The following SORCS3 variants were observed in gnomAD, a reference collection of about 807,000 sequenced individuals.
The protein encoded by SORCS3 is VPS10 domain-containing receptor SorCS3.
Under a neutral mutation model 146.3 loss-of-function variants are expected in SORCS3, and 57 were observed. The ratio of observed to expected loss-of-function variants is 0.39; its 90% confidence interval spans 0.31 to 0.49. SORCS3 has a LOEUF of 0.49. Ranked by LOEUF, SORCS3 falls within the 20% of genes least tolerant of loss-of-function variation. The pLI is 0.92. For synonymous variants in SORCS3, 653 were observed against 618.5 expected (o/e 1.06, Z -0.83); for missense variants, 1,341 against 1,575.5 (o/e 0.85, Z 2.52).
At chr10:104,792,152 C>A (rs1042582181) in intron 1 of SORCS3, among the ~76,000 whole-genome samples, 2 of 152,160 alleles carry the variant, frequency 1.3e-5, no homozygotes, top group African/African-American at 4.8e-5. Context: ...CAGTGTCTAC[C>A]TTCTTTGCAA....
chr10:104,983,614 G>T (rs11192262), intron 4 of SORCS3, among the ~76,000 whole-genome samples: 53,390 of 151,912 alleles, frequency 0.35, 13,505 homozygotes, highest in African/African-American at 0.71. Context: ...TTCATCTGCT[G>T]CCTCTATGAG....
intron 2 of SORCS3, among the ~76,000 whole-genome samples, chr10:104,843,496 A>G (rs1483817676): frequency 6.6e-6 from 1 of 152,226 alleles, no homozygotes; most frequent in Non-Finnish European, 1.5e-5. Flanking sequence ...TTGATTTTAA[A>G]ATAAAACACT....
chr10:104,901,654 G>A (rs1398175658), intron 2 of SORCS3, among the ~76,000 whole-genome samples: 2 of 152,038 alleles, frequency 1.3e-5, no homozygotes, highest in Non-Finnish European at 1.5e-5. Context: ...GTGCTATGTC[G>A]TCTTGCCCAG....
intron 3 of SORCS3, among the ~76,000 whole-genome samples, chr10:104,947,510 G>A (rs751428726): frequency 6.6e-6 from 1 of 152,148 alleles, no homozygotes; most frequent in African/African-American, 2.4e-5. Context: ...CACGGGCTGC[G>A]AGGCTGACCG....
At chr10:105,064,947 A>G (rs958497856) in intron 5 of SORCS3, among the ~76,000 whole-genome samples, 1 of 152,226 alleles carries the variant, frequency 6.6e-6, no homozygotes, top group African/African-American at 2.4e-5. Flanking sequence ...TCAAGTTGAC[A>G]TGTAAAATTA....
chr10:105,087,117 G>C (rs1366631118), intron 5 of SORCS3, among the ~76,000 whole-genome samples: 1 of 152,166 alleles, frequency 6.6e-6, no homozygotes, highest in Non-Finnish European at 1.5e-5. Flanking sequence ...AAGGTGTAAG[G>C]AAGGGGTTCA....
At chr10:105,146,510 C>T (rs1217979741) in intron 8 of SORCS3, among the ~76,000 whole-genome samples, 2 of 152,008 alleles carry the variant, frequency 1.3e-5, no homozygotes, top group Non-Finnish European at 2.9e-5. Context: ...ACTTGGGGTC[C>T]TGACTCCATC....
chr10:104,720,962 C>T (rs1233683700), intron 1 of SORCS3, among the ~76,000 whole-genome samples: 2 of 152,214 alleles, frequency 1.3e-5, no homozygotes, highest in Non-Finnish European at 1.5e-5. Context: ...TTTTGCTATA[C>T]AGAAGCTCTT....
chr10:105,039,834 C>A (rs1462882240), intron 4 of SORCS3, among the ~76,000 whole-genome samples: 1 of 152,068 alleles, frequency 6.6e-6, no homozygotes, highest in Non-Finnish European at 1.5e-5. Flanking sequence ...AAGAGCTCTG[C>A]CACCACCAGG....
chr10:105,003,409 C>T (rs538766146), intron 4 of SORCS3, among the ~76,000 whole-genome samples: 12 of 152,222 alleles, frequency 7.9e-5, no homozygotes, highest in African/African-American at 2.2e-4. Flanking sequence ...AGATGTGTCA[C>T]TGCCCTTCTC....
intron 6 of SORCS3, among the ~76,000 whole-genome samples, chr10:105,098,971 G>C (rs2055765445): frequency 6.6e-6 from 1 of 152,198 alleles, no homozygotes; most frequent in African/African-American, 2.4e-5. Flanking sequence ...TGGGAGATGA[G>C]AAGTTTCACC....
At chr10:104,654,676 A>C (rs2015603545) in intron 1 of SORCS3, among the ~76,000 whole-genome samples, 1 of 152,156 alleles carries the variant, frequency 6.6e-6, no homozygotes, top group Non-Finnish European at 1.5e-5. Context: ...TGGATTTGGG[A>C]AGTACTTAGG....
intron 1 of SORCS3, among the ~76,000 whole-genome samples, chr10:104,824,664 T>C (rs1221273605): frequency 1.3e-5 from 2 of 152,142 alleles, no homozygotes; most frequent in Non-Finnish European, 2.9e-5. Flanking sequence ...AAAACAGATG[T>C]GTTGATACTG....
chr10:105,026,745 C>T (rs997022271), intron 4 of SORCS3, among the ~76,000 whole-genome samples: 6 of 152,146 alleles, frequency 3.9e-5, no homozygotes, highest in South Asian at 2.1e-4. Flanking sequence ...CCAAATACCA[C>T]GTGTTCTCAC....
intron 1 of SORCS3, among the ~76,000 whole-genome samples, chr10:104,690,447 G>A (rs143872837): frequency 6.6e-6 from 1 of 152,212 alleles, no homozygotes; most frequent in Admixed American, 6.5e-5. Context: ...CAGATGAGGA[G>A]ACCAAGGCTC....
intron 20 of SORCS3, among the ~76,000 whole-genome samples, chr10:105,226,931 T>C (rs909722465): frequency 4.6e-5 from 7 of 152,022 alleles, no homozygotes; most frequent in Non-Finnish European, 1.0e-4. Flanking sequence ...TCTGATTTTA[T>C]TTGAGTCTTT....
At chr10:105,235,912 T>C (rs1430146707) in intron 20 of SORCS3, among the ~76,000 whole-genome samples, 1 of 152,156 alleles carries the variant, frequency 6.6e-6, no homozygotes, top group East Asian at 1.9e-4. Context: ...TTTTATAGCA[T>C]AAATATATAG....
chr10:105,197,370 G>A (rs1304404367), intron 14 of SORCS3, among the ~76,000 whole-genome samples: 1 of 152,072 alleles, frequency 6.6e-6, no homozygotes, highest in African/African-American at 2.4e-5. Flanking sequence ...GTGCCATTAA[G>A]CACCTTTTTG....
chr10:104,962,653 C>T (rs2054802693), intron 3 of SORCS3, among the ~76,000 whole-genome samples: 1 of 152,086 alleles, frequency 6.6e-6, no homozygotes, highest in African/African-American at 2.4e-5. Flanking sequence ...TCAAATTTTC[C>T]AAGAGCAGGC....
Sources: gnomAD v4.1 joint callset for allele counts (sites outside exome capture counted in the v4.1 genomes callset) on GRCh38, gnomAD v4.1.1 for gene constraint, MANE v1.5 for transcripts, NCBI Gene and HGNC (gene_info 2026-07-23, HGNC 2026-07-21) for gene names.